The following GABRB3 variants were observed in gnomAD, a reference collection of about 807,000 sequenced individuals.
GABRB3 encodes gamma-aminobutyric acid receptor subunit beta-3.
Under a neutral mutation model 52.1 loss-of-function variants are expected in GABRB3, and 14 were observed. The observed-to-expected ratio is 0.27, with a 90% CI of 0.18 to 0.42. The LOEUF (loss-of-function observed/expected upper bound fraction) is 0.42, where lower values mean the gene tolerates loss of function less well. Among genes scored for constraint, GABRB3 ranks in the 10% least tolerant of loss-of-function variants. GABRB3 has a pLI of 1.00. For missense variants in GABRB3, 307 were observed against 609.1 expected, an observed-to-expected ratio of 0.50 and a Z score of 5.22; for synonymous variants, 260 against 232.3, an observed-to-expected ratio of 1.12 and a Z score of -1.08.
intron 6 of GABRB3, among the ~76,000 whole-genome samples, chr15:26,568,668 T>TC (rs1658889501): frequency 7.5e-6 from 1 of 133,160 alleles, no homozygotes; most frequent in African/African-American, 2.6e-5. Flanking sequence ...CAGCTAGGTT[T>TC]TTTTTTTTTT....
At position 26,554,333 on chromosome 15, in the gene GABRB3, C is replaced by A. The variant is rs1001070518; in HGVS notation, c.1081-6199G>T. 4.0e-5 allele frequency among the ~76,000 whole-genome samples: 6 copies of A among 150,020 alleles called. No individual in the cohort carries two copies. The Admixed American group carries it at 4.0e-4, about 10-fold the overall frequency. On this transcript the variant is annotated intron_variant, in intron 8 of 8. Transcript: ENST00000311550. ...CTTGAGCCACCGCACCTGGCCTAAA[C>A]ACAGTTTTAAATACCATCTCTTTTC...
intron 3 of GABRB3, chr15:26,716,516 A>C: frequency 8.5e-6 from 7 of 824,070 alleles, no homozygotes; most frequent in Non-Finnish European, 1.0e-5. Flanking sequence ...GGGTTTGAGC[A>C]ATGTGTGCAA....
chr15:26,732,227 T>C (rs12914817), intron 3 of GABRB3, among the ~76,000 whole-genome samples: 93,527 of 149,606 alleles, frequency 0.63, 29,523 homozygotes, highest in East Asian at 0.89. Flanking sequence ...AATGGATGGA[T>C]GGGTGGACAG....
chr15:26,629,641 C>A (rs998056019), intron 3 of GABRB3, among the ~76,000 whole-genome samples: 2 of 152,046 alleles, frequency 1.3e-5, no homozygotes, highest in African/African-American at 4.8e-5. Context: ...CCCCACAAAC[C>A]GAAGGTGGTA....
At chr15:26,582,922 G>A (rs1223826125) in intron 5 of GABRB3, among the ~76,000 whole-genome samples, 1 of 152,132 alleles carries the variant, frequency 6.6e-6, no homozygotes, top group Non-Finnish European at 1.5e-5. Context: ...TACTCAAATT[G>A]AAGAAAATTG....
intron 3 of GABRB3, among the ~76,000 whole-genome samples, chr15:26,757,363 C>A (rs944588206): frequency 2.0e-5 from 3 of 152,112 alleles, no homozygotes; most frequent in Non-Finnish European, 2.9e-5. Flanking sequence ...CCTTGCCTGG[C>A]GCGCTCCATT....
intron 3 of GABRB3, among the ~76,000 whole-genome samples, chr15:26,771,129 T>A (rs988623216): frequency 1.2e-4 from 19 of 152,182 alleles, no homozygotes; most frequent in African/African-American, 4.1e-4. Flanking sequence ...AGATCCTTAG[T>A]GGTAGGTATT....
intron 4 of GABRB3, among the ~76,000 whole-genome samples, chr15:26,586,686 CAAAAAA>C (rs1179931462): frequency 1.0e-5 from 1 of 98,686 alleles, no homozygotes; most frequent in African/African-American, 4.2e-5. Context: ...GACTCCATCT[CAAAAAA>C]AAAAAAAAAA....
At chr15:26,691,007 C>T (rs563396751) in intron 3 of GABRB3, among the ~76,000 whole-genome samples, 2 of 151,752 alleles carry the variant, frequency 1.3e-5, no homozygotes, top group African/African-American at 2.4e-5. Flanking sequence ...CACTCACTCC[C>T]CCTCCTCCTG....
chr15:26,566,168 T>C (rs1178809551), intron 7 of GABRB3, among the ~76,000 whole-genome samples: 1 of 152,194 alleles, frequency 6.6e-6, no homozygotes, highest in African/African-American at 2.4e-5. Context: ...TGATACCTAT[T>C]AGAAATACAT....
rs1348288306 is a variant in GABRB3 at position 26,554,207 on chromosome 15, A to ATATTTATTTATT, written c.1081-6074_1081-6073insAATAAATAAATA. ...ATATATATACTATATATATATATAT[A>ATATTTATTTATT]TAGTAGAAACAAGGTCTCTCTTTGT... On this transcript the variant is annotated intron_variant, in intron 8 of 8. Transcript: ENST00000311550. 1.0e-4 allele frequency among the ~76,000 whole-genome samples: 6 copies of ATATTTATTTATT among 57,808 alleles called. 1 individual carries two copies. Among genetic ancestry groups the ATATTTATTTATT allele is most frequent in the Non-Finnish European group, 2.1e-4 (5 of 24,152 alleles). 37.9% of individuals were successfully genotyped at this position (57,808 alleles called of 152,430 possible).
chr15:26,758,783 A>G (rs909371935), intron 3 of GABRB3, among the ~76,000 whole-genome samples: 9 of 115,204 alleles, frequency 7.8e-5, no homozygotes, highest in Non-Finnish European at 1.5e-4. Flanking sequence ...GAAAAAAAGA[A>G]AAAAAAACAA....
intron 3 of GABRB3, among the ~76,000 whole-genome samples, chr15:26,672,747 G>A (rs970619421): frequency 2.6e-5 from 4 of 152,104 alleles, no homozygotes; most frequent in Non-Finnish European, 5.9e-5. Flanking sequence ...TTGATGATGG[G>A]AATGTCTGTG....
intron 3 of GABRB3, among the ~76,000 whole-genome samples, chr15:26,640,569 T>A (rs1893174594): frequency 1.3e-5 from 2 of 152,190 alleles, no homozygotes; most frequent in Admixed American, 1.3e-4. Flanking sequence ...GGTTAAAGCA[T>A]CAACTATCAA....
chr15:26,670,240 A>G (rs1313358163), intron 3 of GABRB3, among the ~76,000 whole-genome samples: 1 of 152,180 alleles, frequency 6.6e-6, no homozygotes, highest in Non-Finnish European at 1.5e-5. Flanking sequence ...AGAGATGTGC[A>G]GGATGCTCCA....
chr15:26,675,485 T>C (rs770813220), intron 3 of GABRB3, among the ~76,000 whole-genome samples: 1 of 152,112 alleles, frequency 6.6e-6, no homozygotes, highest in Non-Finnish European at 1.5e-5. Flanking sequence ...GGAGTAGAGG[T>C]AAGCAGTGTT....
chr15:26,690,953 A>T (rs554274174), intron 3 of GABRB3, among the ~76,000 whole-genome samples: 15 of 151,542 alleles, frequency 9.9e-5, no homozygotes, highest in African/African-American at 3.6e-4. Context: ...TGTTCTACAG[A>T]TCTCTTTCAA....
intron 4 of GABRB3, among the ~76,000 whole-genome samples, chr15:26,603,202 G>C (rs1328759359): frequency 6.6e-6 from 1 of 151,930 alleles, no homozygotes; most frequent in Non-Finnish European, 1.5e-5. Flanking sequence ...TACCAAGATT[G>C]AACCACGAAG....
At chr15:26,772,644 T>TCGCGCTTCCCGCAACGGC (rs762423772) in intron 2 of GABRB3, 37 bp downstream of exon 2, 45 of 1,495,620 alleles carry the variant, frequency 3.0e-5, no homozygotes, top group Non-Finnish European at 3.8e-5. Flanking sequence ...CCGCCGTGGG[T>TCGCGCTTCCCGCAACGGC]CGCGCTTCCC....
Sources: allele counts gnomAD v4.1 joint callset (sites outside exome capture counted in the v4.1 genomes callset), GRCh38; gene constraint gnomAD v4.1.1; transcripts MANE v1.5; gene names NCBI Gene and HGNC (gene_info 2026-07-23, HGNC 2026-07-21).